The following ANKRD30B variants were observed in gnomAD, a reference collection of about 807,000 sequenced individuals.
The protein encoded by ANKRD30B is ankyrin repeat domain 30B.
In ANKRD30B, 144 loss-of-function variants were observed where a neutral mutation model predicts 202.2. The ratio of observed to expected loss-of-function variants is 0.71; its 90% CI spans 0.62 to 0.82. The LOEUF (loss-of-function observed/expected upper bound fraction) is 0.82, where lower values mean the gene tolerates loss of function less well. Ranked by LOEUF, ANKRD30B falls within the 40% of genes least tolerant of loss-of-function variation. The probability of loss-of-function intolerance (pLI) is 0.00; values close to 1 mark genes in which losing one functional copy is unlikely to be tolerated. For synonymous variants in ANKRD30B, 508 were observed against 561.3 expected (o/e 0.91, Z 1.34); for missense variants, 1,487 against 1,669.1 (o/e 0.89, Z 1.90).
rs1567991700 is a variant in ANKRD30B at position 14,768,355 on chromosome 18, A to G, written c.1226-988A>G. Among the ~76,000 whole-genome samples, 3 of 152,140 alleles carry G rather than the reference A, an allele frequency of 2.0e-5. No homozygotes were observed. In the South Asian group the frequency reaches 6.2e-4, roughly 32 times the overall value. ...CTCCTTTGTGATACCCTTCATAATA[A>G]ACTGGTAAATGTGTTTCCCTTAGTA... On this transcript the variant is annotated intron_variant, in intron 7 of 43. Coordinates refer to ENST00000690538, the MANE Select transcript of ANKRD30B (RefSeq NM_001367607.2).
the ANKRD30B span, among the ~76,000 whole-genome samples, chr18:14,928,663 G>T: frequency 6.6e-6 from 1 of 152,174 alleles, no homozygotes; most frequent in Non-Finnish European, 1.5e-5. Context: ...TCTCCAGATT[G>T]CAGATGGAAG....
chr18:14,767,063 C>A (rs1208852910), intron 7 of ANKRD30B, among the ~76,000 whole-genome samples: 1 of 152,198 alleles, frequency 6.6e-6, no homozygotes. Flanking sequence ...AAGCAGCCAA[C>A]ATACCCAGGG....
chr18:14,850,466 G>T, intron 41 of ANKRD30B, 84 bp downstream of exon 41: 2 of 1,296,788 alleles, frequency 1.5e-6, no homozygotes, highest in Non-Finnish European at 2.1e-6. Context: ...TTTAGTATGT[G>T]TTATTCAGGT....
the ANKRD30B span, among the ~76,000 whole-genome samples, chr18:14,918,888 G>A: frequency 6.6e-6 from 1 of 152,154 alleles, no homozygotes; most frequent in African/African-American, 2.4e-5. Context: ...TCATGTGTGG[G>A]TTAATGTTGT....
the ANKRD30B span, among the ~76,000 whole-genome samples, chr18:14,874,609 T>C: frequency 6.6e-6 from 1 of 152,148 alleles, no homozygotes; most frequent in Admixed American, 6.5e-5. Context: ...AAAAAAGTGT[T>C]TACAGACCTC....
the ANKRD30B span, among the ~76,000 whole-genome samples, chr18:14,921,479 G>A: frequency 6.6e-6 from 1 of 152,120 alleles, no homozygotes; most frequent in Admixed American, 6.5e-5. Flanking sequence ...AAGGTGTCAC[G>A]AGGCCCCACC....
chr18:14,837,134 A>T, intron 34 of ANKRD30B, 77 bp from the exon 35 acceptor site: 1 of 845,278 alleles, frequency 1.2e-6, no homozygotes, highest in Non-Finnish European at 1.9e-6. Flanking sequence ...TGACAAATTG[A>T]TTGAGTGAGT....
chr18:14,799,372 C>T, intron 22 of ANKRD30B, 77 bp downstream of exon 22: 2 of 1,291,994 alleles, frequency 1.5e-6, no homozygotes, highest in Non-Finnish European at 2.1e-6. Flanking sequence ...CTTTTTATTC[C>T]CAATGTTGTT....
chr18:14,891,995 C>A, the ANKRD30B span, among the ~76,000 whole-genome samples: 4 of 152,102 alleles, frequency 2.6e-5, no homozygotes, highest in African/African-American at 7.2e-5. Flanking sequence ...GTGGCTTTTG[C>A]CATTACTTTT....
At chr18:14,843,553 C>CTGTGTGTG (rs56044501) in intron 39 of ANKRD30B, among the ~76,000 whole-genome samples, 13,148 of 145,178 alleles carry the variant, frequency 0.091, 670 homozygotes, top group East Asian at 0.23. Flanking sequence ...AGCTTACTTT[C>CTGTGTGTG]TGTGTGTGTG....
intron 39 of ANKRD30B, among the ~76,000 whole-genome samples, chr18:14,843,593 G>GTGTGTGTGGT (rs1971512569): frequency 7.2e-6 from 1 of 138,922 alleles, no homozygotes; most frequent in African/African-American, 2.7e-5. Flanking sequence ...GTGTGTGTGT[G>GTGTGTGTGGT]GTGTGCACGT....
At chr18:14,914,454 GGGAACAGGGCCCTTGCTCCT>G in the ANKRD30B span, among the ~76,000 whole-genome samples, 1 of 152,158 alleles carries the variant, frequency 6.6e-6, no homozygotes, top group Non-Finnish European at 1.5e-5. Flanking sequence ...AGAGAGCTCT[GGGAACAGGGCCCTTGCTCCT>G]GGACAGTGAA....
At chr18:14,827,964 C>T (rs397834440) in intron 32 of ANKRD30B, among the ~76,000 whole-genome samples, 4 of 152,308 alleles carry the variant, frequency 2.6e-5, no homozygotes, top group East Asian at 1.9e-4. Context: ...ATAGTCTCAA[C>T]GTATGGTCCC....
chr18:14,872,644 A>G, the ANKRD30B span, among the ~76,000 whole-genome samples: 1 of 152,096 alleles, frequency 6.6e-6, no homozygotes, highest in South Asian at 2.1e-4. Flanking sequence ...CAAACAGAGA[A>G]GTAGCACTGA....
intron 34 of ANKRD30B, among the ~76,000 whole-genome samples, chr18:14,832,458 A>G (rs868103217): frequency 3.3e-5 from 5 of 152,196 alleles, no homozygotes; most frequent in South Asian, 2.1e-4. Flanking sequence ...ATCTTTGATC[A>G]CATTTGAAAA....
chr18:14,797,647 C>A lies in ANKRD30B; in HGVS notation c.1928-14C>A. On this transcript the variant is annotated splice_polypyrimidine_tract_variant and intron_variant, in intron 18 of 43. Coordinates refer to ENST00000690538, the MANE Select transcript of ANKRD30B (RefSeq NM_001367607.2). ...CTTGCATATAATCAATTATAAATGTCCCTTTTCTTTTAGAGTCTCCTGATA... is the reference window on the plus strand; with the variant it reads ...CTTGCATATAATCAATTATAAATGTACCTTTTCTTTTAGAGTCTCCTGATA... 1.3e-5 allele frequency: 21 copies of A among 1,604,088 alleles called. No individual in the cohort carries two copies. The highest frequency in any genetic ancestry group is 1.8e-5 in the Non-Finnish European group (21 of 1,171,196).
rs182978603 is a variant in ANKRD30B at position 14,796,549 on chromosome 18, T to G, written c.1927+134T>G. ...AAATTTGAAACAAATAATGCCAATG[T>G]TAGCATTTATGTTTGAGAAAATGCC... On this transcript the variant is annotated intron_variant, in intron 18 of 43. Transcript: ENST00000690538. 51 of 1,168,410 alleles carry G rather than the reference T, an allele frequency of 4.4e-5. No individual in the cohort carries two copies. The East Asian group carries it at 1.3e-3, about 29-fold the overall frequency. 72.4% of individuals were successfully genotyped at this position (1,168,410 alleles called of 1,614,324 possible).
At chr18:14,755,472 G>T (rs140051779) in intron 4 of ANKRD30B, among the ~76,000 whole-genome samples, 1 of 151,502 alleles carries the variant, frequency 6.6e-6, no homozygotes, top group Non-Finnish European at 1.5e-5. Flanking sequence ...ATATGTATAC[G>T]TGTGCCATGT....
intron 39 of ANKRD30B, among the ~76,000 whole-genome samples, chr18:14,845,364 C>A (rs1301773276): frequency 6.6e-6 from 1 of 152,296 alleles, no homozygotes; most frequent in Admixed American, 6.5e-5. Context: ...TTTCACATTG[C>A]TTTTTTTCCA....
Sources: allele counts gnomAD v4.1 joint callset (sites outside exome capture counted in the v4.1 genomes callset), GRCh38; gene constraint gnomAD v4.1.1; transcripts MANE v1.5; gene names NCBI Gene and HGNC (gene_info 2026-07-23, HGNC 2026-07-21).